GALNT17: variants seen among roughly 807,000 people sequenced by gnomAD.
GALNT17 encodes UDP-GalNAc:polypeptide N-acetylgalactosaminyltransferase-like 3.
GALNT17 carries 29 observed loss-of-function variants against 63.7 expected under a neutral mutation model. That is an observed-to-expected ratio of 0.46 (90% CI 0.34 to 0.62). GALNT17 has a LOEUF of 0.62. GALNT17 is among the 20% of genes least tolerant of loss of function. GALNT17 has a pLI of 0.01. For synonymous variants in GALNT17, 305 were observed against 318.3 expected (o/e 0.96, Z 0.45); for missense variants, 603 against 799.6 (o/e 0.75, Z 2.97).
chr7:71,497,056 C>A (rs186224507), intron 5 of GALNT17, among the ~76,000 whole-genome samples: 1 of 152,192 alleles, frequency 6.6e-6, no homozygotes, highest in East Asian at 1.9e-4. Context: ...CACAGTGAGA[C>A]CCTGAATCTC....
rs1449136940 is a variant in GALNT17, at chr7:71,132,648, C to T, written c.-155C>T. On this transcript the variant is annotated 5_prime_UTR_variant, in exon 1 of 11. Transcript: ENST00000333538. Reference sequence around the variant, plus strand: ...ACCACCAATCCGACCTCCCAGCCGTCTCCGCCGCCCGAGCATCCTTGAGGT... The same window carrying T: ...ACCACCAATCCGACCTCCCAGCCGTTTCCGCCGCCCGAGCATCCTTGAGGT... 6.4e-6 allele frequency: 4 copies of T among 626,766 alleles called. No homozygotes were observed. The highest frequency in any genetic ancestry group is 1.1e-5 in the Non-Finnish European group (4 of 370,764). 38.8% of individuals were successfully genotyped at this position (626,766 alleles called of 1,614,324 possible).
intron 6 of GALNT17, among the ~76,000 whole-genome samples, chr7:71,653,207 G>A (rs112842470): frequency 3.3e-4 from 50 of 151,966 alleles, no homozygotes; most frequent in South Asian, 8.4e-4. Flanking sequence ...GTAGAGACGG[G>A]GTTTTACCAT....
At chr7:71,545,505 C>A (rs577162542) in intron 5 of GALNT17, among the ~76,000 whole-genome samples, 1 of 152,272 alleles carries the variant, frequency 6.6e-6, no homozygotes, top group African/African-American at 2.4e-5. Context: ...GCACGTGCCA[C>A]CACGCCTGGC....
intron 8 of GALNT17, 36 bp from the exon 9 acceptor site, chr7:71,677,175 G>A: frequency 1.9e-6 from 3 of 1,609,028 alleles, no homozygotes; most frequent in Non-Finnish European, 2.6e-6. Context: ...TCCACTAGCT[G>A]AGCTCTCATG....
chr7:71,450,761 GTCTTTTGTGAGTGGCT>G (rs1353517974), intron 5 of GALNT17, among the ~76,000 whole-genome samples: 1 of 152,086 alleles, frequency 6.6e-6, no homozygotes, highest in Non-Finnish European at 1.5e-5. Context: ...GGAATAGGTG[GTCTTTTGTGAGTGGCT>G]TCTTTCTGTT....
chr7:71,528,008 A>G (rs1788653214), intron 5 of GALNT17, among the ~76,000 whole-genome samples: 1 of 152,166 alleles, frequency 6.6e-6, no homozygotes, highest in Admixed American at 6.5e-5. Context: ...GTGTCAACCC[A>G]AAGGGTCTTG....
In GALNT17 at chr7:71,519,443, C is replaced by G. The variant is rs147753044; in HGVS notation, c.963-51842C>G. Among the ~76,000 whole-genome samples the G allele has an allele frequency of 8.1e-4, 124 of 152,200 alleles. 1 individual carries two copies. The highest frequency in any genetic ancestry group is 1.4e-3 in the Non-Finnish European group (97 of 68,008). On this transcript the variant is annotated intron_variant, in intron 5 of 10. Transcript: ENST00000333538. The stretch of plus-strand genomic sequence containing the variant: ...TCTGTCCCTTCCTCCAATCTCTGAG[C>G]TCTACTGCATTTTTCCTTTAGAATT...
intron 1 of GALNT17, among the ~76,000 whole-genome samples, chr7:71,205,294 C>T (rs1789252097): frequency 6.6e-6 from 1 of 151,674 alleles, no homozygotes; most frequent in South Asian, 2.1e-4. Context: ...GCTGAGACTA[C>T]AGGTGGGCAC....
At chr7:71,218,729 C>G (rs148444713) in intron 1 of GALNT17, among the ~76,000 whole-genome samples, 239 of 152,104 alleles carry the variant, frequency 1.6e-3, no homozygotes, top group African/African-American at 5.5e-3. Context: ...ATTAGATTCT[C>G]ATAGGAGTGT....
intron 6 of GALNT17, among the ~76,000 whole-genome samples, chr7:71,628,805 G>GTA: frequency 6.6e-6 from 1 of 152,032 alleles, no homozygotes; most frequent in Non-Finnish European, 1.5e-5. Flanking sequence ...GGTGGCAAAC[G>GTA]CCTGTAATCC....
At chr7:71,413,342 A>G (rs1050284487) in intron 3 of GALNT17, among the ~76,000 whole-genome samples, 1 of 151,948 alleles carries the variant, frequency 6.6e-6, no homozygotes, top group Non-Finnish European at 1.5e-5. Context: ...TTTACCTTAT[A>G]ATATTGAATA....
chr7:71,593,008 G>T lies in GALNT17; in HGVS notation c.1080+21606G>T, dbSNP rs891904645. Among the ~76,000 whole-genome samples the T allele has an allele frequency of 2.0e-5, 3 of 152,130 alleles. No homozygotes were observed. In the East Asian group the frequency reaches 5.8e-4, roughly 29 times the overall value. On this transcript the variant is annotated intron_variant, in intron 6 of 10. Coordinates refer to ENST00000333538, the MANE Select transcript of GALNT17 (RefSeq NM_022479.3). ...ACAAAAGCTTTACAAAATTAGCTGGGTGTAGTGGTGCACACCTGTAGTCCC... is the reference window on the plus strand; with the variant it reads ...ACAAAAGCTTTACAAAATTAGCTGGTTGTAGTGGTGCACACCTGTAGTCCC...
At chr7:71,704,673 G>A (rs1791697799) in intron 9 of GALNT17, among the ~76,000 whole-genome samples, 1 of 152,038 alleles carries the variant, frequency 6.6e-6, no homozygotes. Context: ...AGATAGACGT[G>A]GAGATCAAAG....
At chr7:71,515,359 A>T (rs774605414) in intron 5 of GALNT17, among the ~76,000 whole-genome samples, 34 of 152,072 alleles carry the variant, frequency 2.2e-4, no homozygotes, top group Non-Finnish European at 4.9e-4. Context: ...CTGGAAGGGG[A>T]TGGAGGGGAC....
chr7:71,303,487 G>C (rs1486740064), intron 1 of GALNT17, among the ~76,000 whole-genome samples: 1 of 152,022 alleles, frequency 6.6e-6, no homozygotes, highest in African/African-American at 2.4e-5. Flanking sequence ...TGAATTGGTG[G>C]GGTCTGTGTA....
intron 1 of GALNT17, among the ~76,000 whole-genome samples, chr7:71,213,918 A>G (rs564594378): frequency 3.9e-5 from 6 of 152,304 alleles, no homozygotes; most frequent in African/African-American, 1.2e-4. Flanking sequence ...TTGCTCAGCA[A>G]ACTCTCATCT....
chr7:71,451,378 ATTC>A (rs1180709271), intron 5 of GALNT17, among the ~76,000 whole-genome samples: 2 of 152,198 alleles, frequency 1.3e-5, no homozygotes, highest in Admixed American at 1.3e-4. Context: ...TTTCTTGACC[ATTC>A]TTCTACTCAT....
intron 1 of GALNT17, among the ~76,000 whole-genome samples, chr7:71,288,239 T>A (rs1358942350): frequency 1.6e-3 from 155 of 98,100 alleles, no homozygotes; most frequent in African/African-American, 4.6e-3. Flanking sequence ...AAAAAAAAAA[T>A]CCAAACGAAG....
At chr7:71,460,612 A>G (rs974292098) in intron 5 of GALNT17, among the ~76,000 whole-genome samples, 2 of 152,204 alleles carry the variant, frequency 1.3e-5, no homozygotes, top group African/African-American at 2.4e-5. Flanking sequence ...AGGCGAGTCC[A>G]TAGAGTAAAG....
Sources: gnomAD v4.1 joint callset for allele counts (sites outside exome capture counted in the v4.1 genomes callset) on GRCh38, gnomAD v4.1.1 for gene constraint, MANE v1.5 for transcripts, NCBI Gene and HGNC (gene_info 2026-07-23, HGNC 2026-07-21) for gene names.